The following RGS6 variants were observed in gnomAD, a reference collection of about 807,000 sequenced individuals.
RGS6 encodes the protein regulator of G protein signaling 6, also known as regulator of G-protein signaling 6.
A neutral mutation model predicts 78.5 loss-of-function variants in RGS6; 30 were observed. The observed-to-expected ratio is 0.38, with a 90% CI of 0.29 to 0.52. The LOEUF (loss-of-function observed/expected upper bound fraction) is 0.52. Ranked by LOEUF, RGS6 falls within the 20% of genes least tolerant of loss-of-function variation. The pLI is 0.85. For missense variants in RGS6, 495 were observed against 609.7 expected, an observed-to-expected ratio of 0.81 and a Z score of 1.98; for synonymous variants, 206 against 206.0, an observed-to-expected ratio of 1.00 and a Z score of 0.00.
chr14:71,996,797 G>T (rs540349294), intron 2 of RGS6, among the ~76,000 whole-genome samples: 1 of 151,998 alleles, frequency 6.6e-6, no homozygotes, highest in Non-Finnish European at 1.5e-5. Flanking sequence ...AGGGGGTGGC[G>T]GGAGGAAGTA....
chr14:72,260,892 A>G (rs1307558804), intron 2 of RGS6, among the ~76,000 whole-genome samples: 1 of 152,260 alleles, frequency 6.6e-6, no homozygotes, highest in Non-Finnish European at 1.5e-5. Flanking sequence ...CATTTGGCAG[A>G]GAAAGATGTG....
intron 2 of RGS6, among the ~76,000 whole-genome samples, chr14:72,052,221 T>C (rs945432186): frequency 6.6e-6 from 1 of 152,236 alleles, no homozygotes; most frequent in Non-Finnish European, 1.5e-5. Context: ...TCAAATAGCA[T>C]TGTGATCTTG....
At chr14:72,414,962 A>C (rs1297618899) in intron 3 of RGS6, among the ~76,000 whole-genome samples, 2 of 152,104 alleles carry the variant, frequency 1.3e-5, no homozygotes, top group Non-Finnish European at 2.9e-5. Flanking sequence ...GTCTGCCCCT[A>C]CTGGGGGGGT....
intron 3 of RGS6, among the ~76,000 whole-genome samples, chr14:72,423,802 A>G (rs1160449192): frequency 6.6e-6 from 1 of 152,228 alleles, no homozygotes; most frequent in African/African-American, 2.4e-5. Context: ...AAACCTGCAC[A>G]TGTACCCCCG....
intron 2 of RGS6, among the ~76,000 whole-genome samples, chr14:72,286,910 A>G (rs564463254): frequency 6.6e-6 from 1 of 151,898 alleles, no homozygotes; most frequent in South Asian, 2.1e-4. Flanking sequence ...CAGCCTCCCA[A>G]GTAGCTGGGA....
intron 2 of RGS6, among the ~76,000 whole-genome samples, chr14:71,976,013 GA>G (rs2094104790): frequency 1.3e-5 from 2 of 151,856 alleles, no homozygotes; most frequent in South Asian, 4.2e-4. Flanking sequence ...TCATCCCATT[GA>G]ATTTGTAACC....
chr14:72,512,192 T>G (rs2096886843), intron 14 of RGS6, among the ~76,000 whole-genome samples: 1 of 152,160 alleles, frequency 6.6e-6, no homozygotes, highest in Non-Finnish European at 1.5e-5. Context: ...AGCCCGTAAG[T>G]AGCCTCAGGA....
At chr14:71,879,441 G>T in the RGS6 span, among the ~76,000 whole-genome samples, 5 of 152,152 alleles carry the variant, frequency 3.3e-5, no homozygotes, top group African/African-American at 1.2e-4. Context: ...TTAAATGACA[G>T]GTGCTGATAT....
chr14:72,243,123 T>C (rs967989988), intron 2 of RGS6, among the ~76,000 whole-genome samples: 4 of 152,196 alleles, frequency 2.6e-5, no homozygotes, highest in African/African-American at 9.7e-5. Context: ...GTGCTGGGAT[T>C]ATAGGCGTGA....
At chr14:72,463,644 AG>A (rs2095836552) in intron 6 of RGS6, among the ~76,000 whole-genome samples, 2 of 152,182 alleles carry the variant, frequency 1.3e-5, no homozygotes, top group African/African-American at 4.8e-5. Context: ...GCCTTTTCTG[AG>A]TTTTACATTT....
intron 2 of RGS6, among the ~76,000 whole-genome samples, chr14:72,172,175 T>A (rs1475141995): frequency 2.0e-5 from 3 of 151,962 alleles, no homozygotes; most frequent in Admixed American, 2.0e-4. Flanking sequence ...GCTGCGCTAG[T>A]TTGCAAAAAT....
chr14:72,335,081 A>C (rs2075790742), intron 2 of RGS6, among the ~76,000 whole-genome samples: 1 of 139,332 alleles, frequency 7.2e-6, no homozygotes, highest in African/African-American at 2.6e-5. Flanking sequence ...GGTCTTCTGC[A>C]CAAGCTCTCT....
At chr14:72,471,120 C>T (rs2096067188) in intron 8 of RGS6, among the ~76,000 whole-genome samples, 1 of 150,952 alleles carries the variant, frequency 6.6e-6, no homozygotes, top group Non-Finnish European at 1.5e-5. Flanking sequence ...TGAACTTCTT[C>T]AATTTCTTCT....
At chr14:72,355,040 T>G (rs1204655323) in intron 3 of RGS6, among the ~76,000 whole-genome samples, 1 of 152,204 alleles carries the variant, frequency 6.6e-6, no homozygotes, top group African/African-American at 2.4e-5. Context: ...CCATTGTTGC[T>G]GGTTTGGGTA....
At chr14:71,925,157 G>C in the RGS6 span, among the ~76,000 whole-genome samples, 1 of 152,110 alleles carries the variant, frequency 6.6e-6, no homozygotes, top group Non-Finnish European at 1.5e-5. Context: ...GCATTTCTCT[G>C]ATGATTTAAT....
chr14:72,174,051 A>T (rs2097068117), intron 2 of RGS6, among the ~76,000 whole-genome samples: 1 of 152,094 alleles, frequency 6.6e-6, no homozygotes, highest in South Asian at 2.1e-4. Context: ...TTCTCCCTGG[A>T]GAAGCAGCTT....
chr14:72,027,838 A>G (rs1331701372), intron 2 of RGS6, among the ~76,000 whole-genome samples: 1 of 152,194 alleles, frequency 6.6e-6, no homozygotes, highest in Non-Finnish European at 1.5e-5. Context: ...GTAGATGCCA[A>G]CCAGAAGACT....
At chr14:72,435,665 T>C (rs2094870789) in intron 3 of RGS6, among the ~76,000 whole-genome samples, 1 of 152,048 alleles carries the variant, frequency 6.6e-6, no homozygotes, top group African/African-American at 2.4e-5. Flanking sequence ...CGCCTGCATT[T>C]CTTGTCTCGT....
chr14:72,558,495 G>A (rs994541069), intron 17 of RGS6, among the ~76,000 whole-genome samples: 12 of 152,310 alleles, frequency 7.9e-5, no homozygotes, highest in Middle Eastern at 3.4e-3. Context: ...TGATTAATAT[G>A]TGGAAGTGCA....
Sources: gnomAD v4.1 joint callset for allele counts (sites outside exome capture counted in the v4.1 genomes callset) on GRCh38, gnomAD v4.1.1 for gene constraint, MANE v1.5 for transcripts, NCBI Gene and HGNC (gene_info 2026-07-23, HGNC 2026-07-21) for gene names.